Variants in C5AR1 observed in about 807,000 individuals in gnomAD.
C5AR1 encodes the protein complement C5a receptor 1.
Under a neutral mutation model 2.4 loss-of-function variants are expected in C5AR1, and 4 were observed. That is an observed-to-expected ratio of 1.65 (90% CI 0.81 to 3.77). The LOEUF is 3.77. C5AR1 is among the 30% of genes most tolerant of loss of function. The probability of loss-of-function intolerance (pLI) is 0.01; values close to 1 mark genes in which losing one functional copy is unlikely to be tolerated. For missense variants in C5AR1, 418 were observed against 462.5 expected (o/e 0.90, Z 0.88); for synonymous variants, 209 against 210.4 (o/e 0.99, Z 0.06).
chr19:47,309,390 A>G (rs2059262984), upstream of C5AR1, among the ~76,000 whole-genome samples: 1 of 152,028 alleles, frequency 6.6e-6, no homozygotes, highest in African/African-American at 2.4e-5. Flanking sequence ...CCTGGCCAAC[A>G]TGGCGAAACC....
chr19:47,319,177 C>G (rs925076548), intron 1 of C5AR1, among the ~76,000 whole-genome samples: 1 of 151,434 alleles, frequency 6.6e-6, no homozygotes, highest in African/African-American at 2.4e-5. Context: ...GCCACCGTGC[C>G]CGGCCAGTAG....
upstream of C5AR1, among the ~76,000 whole-genome samples, chr19:47,309,648 C>T (rs1023979813): frequency 9.9e-5 from 15 of 151,894 alleles, no homozygotes; most frequent in Non-Finnish European, 1.5e-4. Flanking sequence ...GGGGCCGAGC[C>T]TGCACAGGAG....
At chr19:47,319,707 C>A in intron 1 of C5AR1, 74 bp from the exon 2 acceptor site, 1 of 952,968 alleles carries the variant, frequency 1.0e-6, no homozygotes, top group Non-Finnish European at 1.6e-6. Flanking sequence ...AAGCCACATG[C>A]CTGAGCCAGG....
At chr19:47,318,725 G>C (rs1258614988) in intron 1 of C5AR1, among the ~76,000 whole-genome samples, 2 of 151,972 alleles carry the variant, frequency 1.3e-5, no homozygotes, top group African/African-American at 4.8e-5. Flanking sequence ...TGCCCTGATG[G>C]GTGCTTTACT....
intron 1 of C5AR1, among the ~76,000 whole-genome samples, chr19:47,313,855 G>A (rs2059278179): frequency 6.6e-6 from 1 of 151,930 alleles, no homozygotes; most frequent in Non-Finnish European, 1.5e-5. Context: ...TTTCTCTGTA[G>A]CCTCATTTTT....
chr19:47,320,374 G>A lies in C5AR1; in HGVS notation c.597G>A (p.Glu199=), dbSNP rs1209441142. ...GVDYSHDKRR[E]RAVAIVRLVL... is the part of the protein sequence containing the mutation. ...ACTACAGCCACGACAAACGGCGGGA[G>A]CGAGCCGTGGCCATCGTCCGGCTGG... Residue 199 remains glutamate (E), a synonymous_variant, in exon 2 of 2, where the codon GAG becomes GAA. Coordinates refer to ENST00000355085, the MANE Select transcript of C5AR1 (RefSeq NM_001736.4). The surrounding 1 kb of genome is among the most constrained non-coding windows in gnomAD (Gnocchi z 4.9). 1 of 1,609,706 alleles carries A rather than the reference G, an allele frequency of 6.2e-7. No individual in the cohort carries two copies. Among genetic ancestry groups the A allele is most frequent in the Admixed American group, 1.7e-5 (1 of 60,016 alleles).
chr19:47,311,175 T>C (rs1324674155), intron 1 of C5AR1, among the ~76,000 whole-genome samples: 5 of 152,150 alleles, frequency 3.3e-5, no homozygotes, highest in South Asian at 2.1e-4. Flanking sequence ...TTTTTTTTTT[T>C]CTTTCCAAAA....
Position 47,320,279 on chromosome 19 carries a change from A to C in C5AR1, c.502A>C (p.Thr168Pro). 1 of 1,613,176 alleles carries C rather than the reference A, an allele frequency of 6.2e-7. No individual in the cohort carries two copies. Among genetic ancestry groups the C allele is most frequent in the Non-Finnish European group, 8.5e-7 (1 of 1,179,998 alleles). Residue 168 changes from threonine to proline, a missense_variant, in exon 2 of 2, where the codon ACC becomes CCC. Transcript: ENST00000355085. The surrounding 1 kb of genome is among the most constrained non-coding windows in gnomAD (Gnocchi z 4.9). ...AVAWGLALLL[T>P]IPSFLYRVVR... ...GGCTTGGGGTTTAGCCCTGCTGCTG[A>C]CCATACCCTCCTTCCTGTACCGGGT...
intron 1 of C5AR1, among the ~76,000 whole-genome samples, chr19:47,314,160 T>C (rs1191493144): frequency 2.6e-5 from 4 of 152,164 alleles, no homozygotes; most frequent in Non-Finnish European, 5.9e-5. Context: ...CAAGGGTTGT[T>C]CCTCTAATGA....
intron 1 of C5AR1, chr19:47,316,516 C>G (rs2059289181): frequency 6.6e-6 from 1 of 151,642 alleles, no homozygotes; most frequent in African/African-American, 2.4e-5. Context: ...TCTCAGCTTA[C>G]TGCAACCTCC....
Position 47,320,070 on chromosome 19 carries a change from A to G in C5AR1, c.293A>G (p.Gln98Arg). 6.2e-7 allele frequency: 1 copy of G among 1,614,182 alleles called. No individual in the cohort carries two copies. Among genetic ancestry groups the G allele is most frequent in the Non-Finnish European group, 8.5e-7 (1 of 1,180,038 alleles). The change falls in exon 2 of 2, where the codon CAG (glutamine) becomes CGG (arginine). Residue 98 changes from glutamine (Q) to arginine (R), a missense_variant. Transcript: ENST00000355085. This position sits in a 1 kb window ranked among gnomAD's most constrained non-coding sequence, Gnocchi z 4.9. ...CCCATCTTGTTCACGTCCATTGTACAGCATCACCACTGGCCCTTTGGCGGG... is the reference window on the plus strand; with the variant it reads ...CCCATCTTGTTCACGTCCATTGTACGGCATCACCACTGGCCCTTTGGCGGG... Reference protein sequence around the residue: ...ALPILFTSIVQHHHWPFGGAA... With the variant: ...ALPILFTSIVRHHHWPFGGAA...
At chr19:47,313,287 T>G (rs1721468928) in intron 1 of C5AR1, among the ~76,000 whole-genome samples, 1 of 151,616 alleles carries the variant, frequency 6.6e-6, no homozygotes. Flanking sequence ...CCAGCCACAT[T>G]CTTTAACTCA....
chr19:47,313,819 C>T (rs144314017), intron 1 of C5AR1, among the ~76,000 whole-genome samples: 2 of 152,002 alleles, frequency 1.3e-5, no homozygotes, highest in African/African-American at 4.8e-5. Context: ...TCTTGCTAAC[C>T]GAGAAGACTT....
upstream of C5AR1, among the ~76,000 whole-genome samples, chr19:47,307,931 C>G (rs1395062844): frequency 6.6e-6 from 1 of 151,792 alleles, no homozygotes; most frequent in South Asian, 2.1e-4. Flanking sequence ...AGCGTGAACC[C>G]AGGCCGGGCG....
At position 47,317,211 on chromosome 19, in the gene C5AR1, A is replaced by AAAG. The variant is rs1555807003; in HGVS notation, c.4-2568_4-2567insGAA. On this transcript the variant is annotated intron_variant, in intron 1 of 1. Transcript: ENST00000355085. ...CCGTCTCAAAAAAAAAAAAAAAAAA[A>AAAG]AAATATAAAACGGGGCTGGGCGTGG... Among the ~76,000 whole-genome samples, 8 of 142,852 alleles carry AAAG rather than the reference A, an allele frequency of 5.6e-5. 1 individual carries two copies. Among genetic ancestry groups the AAAG allele is most frequent in the South Asian group, 2.2e-4 (1 of 4,560 alleles). 93.7% of individuals were successfully genotyped at this position (142,852 alleles called of 152,430 possible).
chr19:47,321,886 C>T lies in C5AR1; in HGVS notation c.*1056C>T, dbSNP rs1017559768. Reference sequence around the variant, plus strand: ...AGGGATCCCCAGGATGCCCACTTCCCTCCACCCCCACACCCCAGCCGTGTC... The same window carrying T: ...AGGGATCCCCAGGATGCCCACTTCCTTCCACCCCCACACCCCAGCCGTGTC... On this transcript the variant is annotated 3_prime_UTR_variant, in exon 2 of 2. Coordinates refer to ENST00000355085, the MANE Select transcript of C5AR1 (RefSeq NM_001736.4). 1 of 152,116 alleles carries T rather than the reference C, an allele frequency of 6.6e-6. No homozygotes were observed. Among genetic ancestry groups the T allele is most frequent in the Non-Finnish European group, 1.5e-5 (1 of 68,062 alleles). 9.4% of individuals were successfully genotyped at this position (152,116 alleles called of 1,614,324 possible).
chr19:47,318,881 A>ATTTTT (rs34790165), intron 1 of C5AR1, among the ~76,000 whole-genome samples: 2 of 99,390 alleles, frequency 2.0e-5, no homozygotes, highest in African/African-American at 4.0e-5. Flanking sequence ...TTTTTGTTCT[A>ATTTTT]TTTTTTTTTT....
chr19:47,320,887 C>G lies in C5AR1; in HGVS notation c.*57C>G, dbSNP rs1300686896. On this transcript the variant is annotated 3_prime_UTR_variant, in exon 2 of 2. Transcript: ENST00000355085. The surrounding 1 kb of genome is among the most constrained non-coding windows in gnomAD (Gnocchi z 4.9). ...GTCCCCTTCCTTCCCGGCCATTCTC[C>G]CTCTTGTTTTCACTTCACTTTTCGT... is the stretch of plus-strand genomic sequence containing the variant. The G allele has an allele frequency of 6.8e-7, 1 of 1,475,272 alleles. No individual in the cohort carries two copies. The highest frequency in any genetic ancestry group is 2.3e-5 in the East Asian group (1 of 43,616). 91.4% of individuals were successfully genotyped at this position (1,475,272 alleles called of 1,614,324 possible).
intron 1 of C5AR1, among the ~76,000 whole-genome samples, chr19:47,319,184 G>C (rs1342147648): frequency 1.3e-5 from 2 of 151,188 alleles, no homozygotes; most frequent in East Asian, 3.9e-4. Context: ...TGCCCGGCCA[G>C]TAGGGCTAGA....
Sources: allele counts gnomAD v4.1 joint callset (sites outside exome capture counted in the v4.1 genomes callset), GRCh38; gene constraint gnomAD v4.1.1; non-coding constraint Gnocchi (gnomAD v3.1); transcripts MANE v1.5; gene names NCBI Gene and HGNC (gene_info 2026-07-23, HGNC 2026-07-21).